The following PHRF1 variants were observed in gnomAD, a reference collection of about 807,000 sequenced individuals.
PHRF1 encodes PHD and RING finger domain-containing protein 1.
Under a neutral mutation model 128.9 loss-of-function variants are expected in PHRF1, and 53 were observed. The ratio of observed to expected loss-of-function variants is 0.41; its 90% CI spans 0.33 to 0.52. The LOEUF (loss-of-function observed/expected upper bound fraction) is 0.52. Among genes scored for constraint, PHRF1 ranks in the 20% least tolerant of loss-of-function variants. PHRF1 has a pLI of 0.21. For synonymous variants in PHRF1, 1,178 were observed against 980.6 expected (o/e 1.20, Z -3.76); for missense variants, 2,503 against 2,284.5 (o/e 1.10, Z -1.95).
chr11:581,570 C>G lies in PHRF1; in HGVS notation c.58C>G (p.Pro20Ala). Residue 20 changes from proline to alanine, a missense_variant, in exon 2 of 18, where the codon CCA (proline) becomes GCA (alanine). Transcript: ENST00000264555. The stretch of plus-strand genomic sequence containing the variant: ...CCGGAGCCCAGGGCCGGATGGACAC[C>G]CACAGGTCGGCCCTGCGGACCCGGC... ...VARSPGPDGH[P>A]QVGPADPAGD... is the part of the protein sequence containing the mutation. 1 of 1,613,444 alleles carries G rather than the reference C, an allele frequency of 6.2e-7. No homozygotes were observed. Among genetic ancestry groups the G allele is most frequent in the Non-Finnish European group, 8.5e-7 (1 of 1,179,868 alleles).
In PHRF1 at chr11:612,018, CTG is replaced by C. The variant is rs765571517; in HGVS notation, c.*243_*244del. On this transcript the variant is annotated 3_prime_UTR_variant, in exon 18 of 18. Coordinates refer to ENST00000264555, the MANE Select transcript of PHRF1 (RefSeq NM_001286581.2). ...CTTTTGTATGTATATTATAGAGACA[CTG>C]TTTCCATTCTAATTTATCAAAAATG... 1.5e-4 allele frequency: 81 copies of C among 541,970 alleles called. No homozygotes were observed. Among genetic ancestry groups the C allele is most frequent in the Non-Finnish European group, 2.2e-4 (69 of 315,240 alleles). 33.6% of individuals were successfully genotyped at this position (541,970 alleles called of 1,614,324 possible). A position where few individuals can be genotyped will look rare whatever the true frequency, so the allele number is the denominator to read the frequency against.
rs1854632356 is a variant in PHRF1 at position 587,380 on chromosome 11, C to G, written c.336C>G (p.Leu112=). ...ATGCAGAGAGCTGCCCAATCTGTCTCAACGCATTCAGAGACCAGGCCGTGG... is the reference window on the plus strand; with the variant it reads ...ATGCAGAGAGCTGCCCAATCTGTCTGAACGCATTCAGAGACCAGGCCGTGG... ...DDDAESCPIC[L]NAFRDQAVGT... Residue 112 remains leucine, a synonymous_variant, in exon 4 of 18, where the codon CTC becomes CTG. Transcript: ENST00000264555. 1.2e-5 allele frequency: 19 copies of G among 1,613,796 alleles called. No individual in the cohort carries two copies. Among genetic ancestry groups the G allele is most frequent in the Non-Finnish European group, 1.4e-5 (17 of 1,179,918 alleles).
At chr11:601,850 C>T (rs918282234) in intron 10 of PHRF1, 149 bp downstream of exon 10, 24 of 1,078,258 alleles carry the variant, frequency 2.2e-5, no homozygotes, top group Non-Finnish European at 3.0e-5. Context: ...TCTGTATTTA[C>T]TCAGTGATTT....
intron 3 of PHRF1, among the ~76,000 whole-genome samples, chr11:586,033 G>A (rs1038049633): frequency 1.3e-5 from 2 of 151,752 alleles, no homozygotes; most frequent in African/African-American, 4.8e-5. Context: ...GGCTATTTTT[G>A]TATTTTTTGT....
Position 581,593 on chromosome 11 carries a change from G to A in PHRF1, c.81G>A (p.Pro27=), listed in dbSNP as rs756377848. Residue 27 remains proline (P), a synonymous_variant, in exon 2 of 18, where the codon CCG becomes CCA. Coordinates refer to ENST00000264555, the MANE Select transcript of PHRF1 (RefSeq NM_001286581.2). ...ACCCACAGGTCGGCCCTGCGGACCCGGCAGGTGACTTTGGTGAGCTGCCTA... is the reference window on the plus strand; with the variant it reads ...ACCCACAGGTCGGCCCTGCGGACCCAGCAGGTGACTTTGGTGAGCTGCCTA... ...DGHPQVGPAD[P]AGDFEESSVG... The A allele has an allele frequency of 2.0e-5, 33 of 1,612,510 alleles. No homozygotes were observed. Among genetic ancestry groups the A allele is most frequent in the African/African-American group, 6.7e-5 (5 of 74,908 alleles).
In PHRF1 at chr11:605,131, A is replaced by C. The variant is rs1339537720; in HGVS notation, c.1165A>C (p.Thr389Pro). Residue 389 changes from threonine to proline, a missense_variant, in exon 11 of 18, where the codon ACT (threonine) becomes CCT (proline). Coordinates refer to ENST00000264555, the MANE Select transcript of PHRF1 (RefSeq NM_001286581.2). ...RGKKVKSEAT[T>P]RSRIARTLGL... ...TTACTGGATTCAGAGTGAAGCCACC[A>C]CTCGCTCTCGAATCGCGCGGACGCT... is the stretch of plus-strand genomic sequence containing the variant. 2 of 1,609,114 alleles carry C rather than the reference A, an allele frequency of 1.2e-6. No individual in the cohort carries two copies. Among genetic ancestry groups the C allele is most frequent in the Non-Finnish European group, 1.7e-6 (2 of 1,176,308 alleles).
intron 10 of PHRF1, 39 bp from the exon 11 acceptor site, chr11:605,080 C>A (rs370719720): frequency 4.1e-5 from 64 of 1,569,870 alleles, no homozygotes; most frequent in Non-Finnish European, 5.5e-5. Context: ...ATGCCATCCC[C>A]GTCTCTCTGT....
At position 608,047 on chromosome 11, in the gene PHRF1, CCAT is replaced by C; in HGVS notation, c.2594_2596del (p.Ile865del). The stretch of plus-strand genomic sequence containing the variant: ...CCCTCTGAGATCACACGAACCATCT[CCAT>C]CAACAGCCCGAAGGCCCAGACGGTG... On this transcript the variant is annotated inframe_deletion, in exon 14 of 18. Transcript: ENST00000264555. 1 of 1,611,426 alleles carries C rather than the reference CCAT, an allele frequency of 6.2e-7. No homozygotes were observed. Among genetic ancestry groups the C allele is most frequent in the Middle Eastern group, 1.6e-4 (1 of 6,062 alleles).
chr11:602,893 G>A lies in PHRF1; in HGVS notation c.1152+1192G>A, dbSNP rs185068682. 5.1e-3 allele frequency among the ~76,000 whole-genome samples: 774 copies of A among 151,496 alleles called. 4 individuals are homozygous for A. The highest frequency in any genetic ancestry group is 0.016 in the African/African-American group (680 of 41,302). On this transcript the variant is annotated intron_variant, in intron 10 of 17. Coordinates refer to ENST00000264555, the MANE Select transcript of PHRF1 (RefSeq NM_001286581.2). ...TTCTCCTCCCTCAGCCTCCTGAGTC[G>A]CTGGGATTATAGGCGTGTGCCACCA...
In PHRF1 at chr11:612,001, T is replaced by C. The variant is rs1564876756; in HGVS notation, c.*224T>C. 3.1e-6 allele frequency: 2 copies of C among 637,954 alleles called. No individual in the cohort carries two copies. The highest frequency in any genetic ancestry group is 6.1e-5 in the Admixed American group (2 of 32,956). The allele number at this position is 637,954 out of a possible 1,614,324, so 39.5% of individuals were successfully genotyped here. A position where few individuals can be genotyped will look rare whatever the true frequency, so the allele number is the denominator to read the frequency against. On this transcript the variant is annotated 3_prime_UTR_variant, in exon 18 of 18. Transcript: ENST00000264555. The stretch of plus-strand genomic sequence containing the variant: ...CAGTTGAAAACTGGACACTTTTGTA[T>C]GTATATTATAGAGACACTGTTTCCA...
chr11:592,376 A>G (rs1362458559), intron 5 of PHRF1, among the ~76,000 whole-genome samples, 183 bp from the exon 6 acceptor site: 1 of 152,134 alleles, frequency 6.6e-6, no homozygotes, highest in Non-Finnish European at 1.5e-5. Flanking sequence ...TTAGATCACC[A>G]CCCTGAGATG....
In PHRF1 at chr11:606,610, C is replaced by T; in HGVS notation, c.1609+14C>T. 1.3e-6 allele frequency: 2 copies of T among 1,588,344 alleles called. No homozygotes were observed. The highest frequency in any genetic ancestry group is 1.1e-5 in the South Asian group (1 of 89,776). On this transcript the variant is annotated intron_variant, in intron 13 of 17. Coordinates refer to ENST00000264555, the MANE Select transcript of PHRF1 (RefSeq NM_001286581.2). ...CCAAGAGGGCGGGTGAGTGCCTTCC[C>T]TGCCACGGCCCCTTCCTCTGTGGGC...
intron 5 of PHRF1, 90 bp downstream of exon 5, chr11:591,557 C>T: frequency 9.2e-7 from 1 of 1,092,040 alleles, no homozygotes; most frequent in Non-Finnish European, 1.3e-6. Context: ...GGCTTGCTCT[C>T]CTGAAATGAG....
rs773176024 is a variant in PHRF1 at position 582,120 on chromosome 11, T to C, written c.214+39T>C. 5 of 1,556,586 alleles carry C rather than the reference T, an allele frequency of 3.2e-6. No individual in the cohort carries two copies. In the Admixed American group the frequency reaches 7.8e-5, roughly 24 times the overall value. On this transcript the variant is annotated intron_variant, in intron 3 of 17. Transcript: ENST00000264555. Reference sequence around the variant, plus strand: ...TGTTCACGCCGGCTCCTGTGTTTCCTCTTGTCGTGATGGGGACAGCCTTTT... The same window carrying C: ...TGTTCACGCCGGCTCCTGTGTTTCCCCTTGTCGTGATGGGGACAGCCTTTT...
intron 3 of PHRF1, among the ~76,000 whole-genome samples, chr11:585,592 AGGTAGTAGCCCTTTCCAGCT>A (rs1564841197): frequency 8.9e-6 from 1 of 112,672 alleles, no homozygotes; most frequent in Non-Finnish European, 1.7e-5. Flanking sequence ...TTCCAGCTTG[AGGTAGTAGCCCTTTCCAGCT>A]TGAGGTAGTA....
At chr11:598,576 CT>C (rs1855441312) in intron 9 of PHRF1, 74 bp downstream of exon 9, 13 of 1,510,696 alleles carry the variant, frequency 8.6e-6, no homozygotes, top group Middle Eastern at 1.7e-4. Flanking sequence ...CACTGCTTCC[CT>C]CAAGGCTGTG....
In PHRF1 at chr11:606,442, G is replaced by T; in HGVS notation, c.1455G>T (p.Arg485Ser). 1 of 1,546,612 alleles carries T rather than the reference G, an allele frequency of 6.5e-7. No individual in the cohort carries two copies. Residue 485 changes from arginine to serine, a missense_variant and splice_region_variant, in exon 13 of 18, where the codon AGG becomes AGT. Coordinates refer to ENST00000264555, the MANE Select transcript of PHRF1 (RefSeq NM_001286581.2). Reference sequence around the variant, plus strand: ...CAGGGCCTTGGGTCTGTGCCCACAGGAGGCGCCTCCCTGCCGCGGTGCCAG... The same window carrying T: ...CAGGGCCTTGGGTCTGTGCCCACAGTAGGCGCCTCCCTGCCGCGGTGCCAG... ...VARPVSVGLS[R>S]RRLPAAVPEP...
rs1008148593 is a variant in PHRF1 at position 592,575 on chromosome 11, C to T, written c.521C>T (p.Thr174Ile). 40 of 1,614,056 alleles carry T rather than the reference C, an allele frequency of 2.5e-5. No homozygotes were observed. The highest frequency in any genetic ancestry group is 3.3e-5 in the Non-Finnish European group (39 of 1,179,912). Residue 174 changes from threonine to isoleucine, a missense_variant, in exon 6 of 18, where the codon ACC (threonine) becomes ATC (isoleucine). Transcript: ENST00000264555. ...KILRKIPVEN[T>I]KASEEEEDPT... is the part of the protein sequence containing the mutation. Reference sequence around the variant, plus strand: ...CTGTCCTAGATCCCAGTGGAGAACACCAAAGCGAGCGAGGAGGAGGAGGAC... The same window carrying T: ...CTGTCCTAGATCCCAGTGGAGAACATCAAAGCGAGCGAGGAGGAGGAGGAC...
chr11:600,119 G>T (rs1227487543), intron 9 of PHRF1, among the ~76,000 whole-genome samples: 1 of 152,046 alleles, frequency 6.6e-6, no homozygotes, highest in Admixed American at 6.6e-5. Flanking sequence ...GGGGTTACAG[G>T]TGTGAGCCAT....
Sources: gnomAD v4.1 joint callset for allele counts (sites outside exome capture counted in the v4.1 genomes callset) on GRCh38, gnomAD v4.1.1 for gene constraint, MANE v1.5 for transcripts, NCBI Gene and HGNC (gene_info 2026-07-23, HGNC 2026-07-21) for gene names.